ARHGAP12: variants seen among roughly 807,000 people sequenced by gnomAD.
ARHGAP12 encodes rho GTPase-activating protein 12.
ARHGAP12 carries 64 observed loss-of-function variants against 108.6 expected under a neutral mutation model. The ratio of observed to expected loss-of-function variants is 0.59; its 90% CI spans 0.48 to 0.73. ARHGAP12 has a LOEUF of 0.73. ARHGAP12 is among the 30% of genes least tolerant of loss of function. The pLI is 0.00. For missense variants in ARHGAP12, 940 were observed against 1,005.9 expected (o/e 0.93, Z 0.89); for synonymous variants, 312 against 337.2 (o/e 0.93, Z 0.82).
chr10:31,870,097 A>G (rs777152105), intron 3 of ARHGAP12, among the ~76,000 whole-genome samples: 1 of 152,220 alleles, frequency 6.6e-6, no homozygotes, highest in Non-Finnish European at 1.5e-5. Flanking sequence ...AATGTTTGGT[A>G]GCCTGACAGT....
intron 1 of ARHGAP12, among the ~76,000 whole-genome samples, chr10:31,925,271 G>C (rs1374120370): frequency 1.3e-5 from 2 of 152,196 alleles, no homozygotes; most frequent in Non-Finnish European, 2.9e-5. Context: ...AGCAGTACAA[G>C]TGATTAATAA....
At position 31,814,313 on chromosome 10, in the gene ARHGAP12, C is replaced by T. The variant is rs777562626; in HGVS notation, c.1780G>A (p.Gly594Arg). 3 of 1,613,918 alleles carry T rather than the reference C, an allele frequency of 1.9e-6. No homozygotes were observed. Among genetic ancestry groups the T allele is most frequent in the East Asian group, 2.2e-5 (1 of 44,870 alleles). Reference sequence around the variant, plus strand: ...TTTTCTTTATCATGCTTTTCTATTCCTGGTGAATCCGGTATCTCCTCTTCA... The same window carrying T: ...TTTTCTTTATCATGCTTTTCTATTCTTGGTGAATCCGGTATCTCCTCTTCA... ...GIEEEIPDSP[G>R]IEKHDKEKEQ... The change falls in exon 14 of 20, where the codon GGA becomes AGA. Residue 594 changes from glycine (G) to arginine (R), a missense_variant. Physicochemically the swap from Gly to Arg is moderately radical, Grantham distance 125 (BLOSUM62 -2). Transcript: ENST00000344936.
At chr10:31,877,015 T>C (rs546760514) in intron 3 of ARHGAP12, among the ~76,000 whole-genome samples, 1 of 152,352 alleles carries the variant, frequency 6.6e-6, no homozygotes, top group Non-Finnish European at 1.5e-5. Context: ...TTGAGACATG[T>C]GTCAGCTCCT....
intron 18 of ARHGAP12, 23 bp from the exon 19 acceptor site, chr10:31,808,774 T>C (rs1320561610): frequency 6.2e-7 from 1 of 1,607,470 alleles, no homozygotes; most frequent in Non-Finnish European, 8.5e-7. Context: ...AATAACCAGA[T>C]ATTTTACAGC....
chr10:31,837,690 A>C (rs1836080599), intron 9 of ARHGAP12, among the ~76,000 whole-genome samples: 1 of 152,210 alleles, frequency 6.6e-6, no homozygotes, highest in Non-Finnish European at 1.5e-5. Context: ...TGCCAAAAAG[A>C]CCAGATTGCA....
intron 4 of ARHGAP12, among the ~76,000 whole-genome samples, chr10:31,858,904 G>C (rs57313635): frequency 6.6e-6 from 1 of 152,292 alleles, no homozygotes; most frequent in African/African-American, 2.4e-5. Context: ...AGACAAAGGA[G>C]AGTAGGGGAA....
chr10:31,877,109 G>A (rs1837761048), intron 3 of ARHGAP12, among the ~76,000 whole-genome samples: 1 of 152,138 alleles, frequency 6.6e-6, no homozygotes, highest in South Asian at 2.1e-4. Flanking sequence ...AAAAATCTGT[G>A]GCAGATCTAA....
intron 3 of ARHGAP12, among the ~76,000 whole-genome samples, chr10:31,865,803 A>T (rs1450838081): frequency 1.3e-5 from 2 of 151,482 alleles, no homozygotes; most frequent in Non-Finnish European, 2.9e-5. Context: ...GCGTGAACCC[A>T]GGAGGCAGAG....
intron 7 of ARHGAP12, among the ~76,000 whole-genome samples, chr10:31,842,194 G>T (rs954151656): frequency 6.6e-6 from 1 of 152,060 alleles, no homozygotes; most frequent in African/African-American, 2.4e-5. Flanking sequence ...ATTTGTTCTG[G>T]TATGAAGAGG....
chr10:31,831,977 T>C (rs1274541280), intron 9 of ARHGAP12, among the ~76,000 whole-genome samples, 177 bp from the exon 10 acceptor site: 1 of 152,200 alleles, frequency 6.6e-6, no homozygotes, highest in African/African-American at 2.4e-5. Context: ...CCTAATACTT[T>C]TGTAGTTTTT....
intron 1 of ARHGAP12, among the ~76,000 whole-genome samples, chr10:31,915,386 CAAA>C (rs1387712452): frequency 4.0e-5 from 4 of 98,842 alleles, no homozygotes; most frequent in Non-Finnish European, 6.4e-5. Context: ...AACTCTGTCT[CAAA>C]AAAAAAAAAA....
intron 1 of ARHGAP12, among the ~76,000 whole-genome samples, chr10:31,917,952 C>T (rs372271840): frequency 6.8e-6 from 1 of 148,016 alleles, no homozygotes; most frequent in South Asian, 2.2e-4. Flanking sequence ...ATATCAAATA[C>T]CTTTTTTTTT....
At chr10:31,902,360 G>A (rs558708967) in intron 3 of ARHGAP12, among the ~76,000 whole-genome samples, 1 of 151,466 alleles carries the variant, frequency 6.6e-6, no homozygotes, top group East Asian at 1.9e-4. Flanking sequence ...TTGATCTAAG[G>A]CTCACACCTT....
chr10:31,835,098 C>G (rs1224655710), intron 9 of ARHGAP12, among the ~76,000 whole-genome samples: 1 of 151,254 alleles, frequency 6.6e-6, no homozygotes, highest in East Asian at 1.9e-4. Flanking sequence ...ACTTGGGAGG[C>G]TGAGACACAG....
chr10:31,825,292 G>A (rs763088438), intron 11 of ARHGAP12, among the ~76,000 whole-genome samples: 27 of 152,082 alleles, frequency 1.8e-4, no homozygotes, highest in Non-Finnish European at 3.2e-4. Context: ...TTTATAAATG[G>A]ACTTTTCTTT....
At chr10:31,912,107 C>T (rs146727118) in intron 1 of ARHGAP12, among the ~76,000 whole-genome samples, 111 of 152,278 alleles carry the variant, frequency 7.3e-4, no homozygotes, top group African/African-American at 2.0e-3. Flanking sequence ...ATTACCAGAA[C>T]GCTAGTCACT....
chr10:31,821,021 A>T (rs1835396797), intron 11 of ARHGAP12, among the ~76,000 whole-genome samples: 1 of 152,154 alleles, frequency 6.6e-6, no homozygotes. Context: ...AAACAGTATC[A>T]GGTAGATAAC....
intron 3 of ARHGAP12, among the ~76,000 whole-genome samples, chr10:31,864,485 C>A (rs948930159): frequency 3.9e-5 from 6 of 152,102 alleles, no homozygotes; most frequent in Non-Finnish European, 7.4e-5. Flanking sequence ...CAAAAATTAA[C>A]CTATAGATTC....
chr10:31,861,260 G>T (rs568214531), intron 4 of ARHGAP12, 135 bp downstream of exon 4: 34 of 1,103,730 alleles, frequency 3.1e-5, no homozygotes, highest in East Asian at 5.0e-5. Context: ...AGCTTGGAAA[G>T]AATTTTTAAT....
Sources: gnomAD v4.1 joint callset for allele counts (sites outside exome capture counted in the v4.1 genomes callset) on GRCh38, gnomAD v4.1.1 for gene constraint, MANE v1.5 for transcripts, NCBI Gene and HGNC (gene_info 2026-07-23, HGNC 2026-07-21) for gene names.